The following RBM6 variants were observed in gnomAD, a reference collection of about 807,000 sequenced individuals.
RBM6 encodes the protein RNA binding motif protein 6.
In RBM6, 23 loss-of-function variants were observed where a neutral mutation model predicts 140.4. The ratio of observed to expected loss-of-function variants is 0.16; its 90% CI spans 0.12 to 0.23. RBM6 has a LOEUF of 0.23. Among genes scored for constraint, RBM6 ranks in the 10% least tolerant of loss-of-function variants. RBM6 has a pLI of 1.00. For missense variants in RBM6, 1,139 were observed against 1,386.7 expected (o/e 0.82, Z 2.84); for synonymous variants, 439 against 475.6 (o/e 0.92, Z 1.00).
At chr3:50,068,518 C>G (rs566722851) in intron 17 of RBM6, among the ~76,000 whole-genome samples, 172 bp from the exon 18 acceptor site, 1 of 152,334 alleles carries the variant, frequency 6.6e-6, no homozygotes, top group South Asian at 2.1e-4. Flanking sequence ...CATAACTAAT[C>G]TGCATGACAA....
At position 50,018,501 on chromosome 3, in the gene RBM6, T is replaced by C. The variant is rs544421719; in HGVS notation, c.1557+18988T>C. Among the ~76,000 whole-genome samples, 14 of 152,076 alleles carry C rather than the reference T, an allele frequency of 9.2e-5. No individual in the cohort carries two copies. In the East Asian group the frequency reaches 2.5e-3, roughly 27 times the overall value. On this transcript the variant is annotated intron_variant, in intron 6 of 20. Transcript: ENST00000266022. ...AAGCTGCAATAAATATCCATATGCA[T>C]GTTTTTGTACGGACATACGTTTTCA... is the stretch of plus-strand genomic sequence containing the variant.
chr3:50,008,199 G>C (rs780571421), intron 6 of RBM6, among the ~76,000 whole-genome samples: 1 of 152,050 alleles, frequency 6.6e-6, no homozygotes, highest in Non-Finnish European at 1.5e-5. Context: ...TAATTCTCTC[G>C]AATTTGAAAA....
At chr3:49,986,620 A>C (rs555731069) in intron 5 of RBM6, among the ~76,000 whole-genome samples, 13 of 151,808 alleles carry the variant, frequency 8.6e-5, no homozygotes, top group South Asian at 2.1e-4. Flanking sequence ...CAAAACAAAA[A>C]AAAACCAAAA....
At chr3:49,987,398 C>T (rs990946774) in intron 5 of RBM6, among the ~76,000 whole-genome samples, 3 of 151,918 alleles carry the variant, frequency 2.0e-5, no homozygotes, top group African/African-American at 4.8e-5. Context: ...TCATTGCAAC[C>T]TCCACCTCCC....
At chr3:50,054,483 C>A in intron 8 of RBM6, 88 bp downstream of exon 8, 1 of 1,208,864 alleles carries the variant, frequency 8.3e-7, no homozygotes, top group Non-Finnish European at 1.2e-6. Context: ...AATTATCATC[C>A]CTAAATCCAA....
rs115774039 is a variant in RBM6, at chr3:49,960,230, C to T, written c.-66-2346C>T. 1.2e-3 allele frequency among the ~76,000 whole-genome samples: 187 copies of T among 152,286 alleles called. 1 individual carries two copies. The highest frequency in any genetic ancestry group is 4.4e-3 in the African/African-American group (181 of 41,558). ...GAGGGAGCTGGGAATTGGGCTTCTA[C>T]TGCTTTAAGACAAAAAACACTGCCA... is the stretch of plus-strand genomic sequence containing the variant. On this transcript the variant is annotated intron_variant, in intron 1 of 20. Transcript: ENST00000266022.
chr3:49,952,218 A>G lies in RBM6; in HGVS notation c.-66-10358A>G, dbSNP rs868588761. On this transcript the variant is annotated intron_variant, in intron 1 of 20. Coordinates refer to ENST00000266022, the MANE Select transcript of RBM6 (RefSeq NM_005777.3). ...GCTAATTTTTGTATTTTTAGTAGAG[A>G]TGGGGTTTCACCATGTTGGTCAGGA... Among the ~76,000 whole-genome samples the G allele has an allele frequency of 5.3e-5, 8 of 151,468 alleles. No individual in the cohort carries two copies. The South Asian group carries it at 1.5e-3, about 28-fold the overall frequency.
In RBM6 at chr3:49,968,596, C is replaced by T. The variant is rs367745768; in HGVS notation, c.1171C>T (p.Leu391=). 11 of 1,613,962 alleles carry T rather than the reference C, an allele frequency of 6.8e-6. No individual in the cohort carries two copies. The highest frequency in any genetic ancestry group is 9.3e-6 in the Non-Finnish European group (11 of 1,180,034). Residue 391 remains leucine, a synonymous_variant, in exon 3 of 21, where the codon CTG becomes TTG. Transcript: ENST00000266022. ...DAGLFKEEGG[L]DFLGRQDTDY... is the part of the protein sequence containing the mutation. ...TGGTCTGTTTAAAGAAGAAGGCGGT[C>T]TGGACTTTCTTGGGCGGCAAGACAC...
At chr3:49,945,881 CAAAAAAAAAA>C (rs67271820) in intron 1 of RBM6, among the ~76,000 whole-genome samples, 1 of 61,924 alleles carries the variant, frequency 1.6e-5, no homozygotes, top group South Asian at 9.5e-4. Context: ...GACTCCATCT[CAAAAAAAAAA>C]AAAAAAAAAA....
At chr3:49,973,607 A>G (rs1469484076) in intron 4 of RBM6, among the ~76,000 whole-genome samples, 1 of 129,348 alleles carries the variant, frequency 7.7e-6, no homozygotes, top group African/African-American at 3.0e-5. Context: ...TTTTTTTGAG[A>G]CAGAGTCTCA....
Position 50,065,559 on chromosome 3 carries a change from T to C in RBM6, c.2682+433T>C, listed in dbSNP as rs1453948348. ...GCCTGTTCAGAGTGAATGATGCTAA[T>C]ATTGGTGCCCATTTTTTAGATGCCT... is the stretch of plus-strand genomic sequence containing the variant. On this transcript the variant is annotated intron_variant, in intron 16 of 20. Coordinates refer to ENST00000266022, the MANE Select transcript of RBM6 (RefSeq NM_005777.3). The C allele has an allele frequency of 6.6e-6, 3 of 457,732 alleles. No homozygotes were observed. In the East Asian group the frequency reaches 2.1e-4, roughly 32 times the overall value. 28.4% of individuals were successfully genotyped at this position (457,732 alleles called of 1,614,324 possible).
intron 8 of RBM6, 46 bp from the exon 9 acceptor site, chr3:50,057,682 T>G (rs2089765895): frequency 6.6e-7 from 1 of 1,512,092 alleles, no homozygotes; most frequent in African/African-American, 1.4e-5. Context: ...TTTTTTTTTT[T>G]TTTGATAAAG....
intron 1 of RBM6, among the ~76,000 whole-genome samples, chr3:49,946,583 C>T (rs539940584): frequency 5.4e-5 from 8 of 149,308 alleles, no homozygotes; most frequent in South Asian, 2.1e-4. Flanking sequence ...TTGCCCAGGC[C>T]GGAGTGAAGT....
intron 6 of RBM6, among the ~76,000 whole-genome samples, chr3:50,039,291 G>A (rs1321625311): frequency 6.6e-6 from 1 of 152,074 alleles, no homozygotes; most frequent in South Asian, 2.1e-4. Flanking sequence ...CCAGGCTGGA[G>A]TGCAATCACA....
At chr3:49,978,335 A>G (rs1333707979) in intron 5 of RBM6, among the ~76,000 whole-genome samples, 1 of 152,186 alleles carries the variant, frequency 6.6e-6, no homozygotes. Flanking sequence ...AACTGGTAAT[A>G]AATATTTTAG....
At chr3:50,069,523 A>AT (rs1176329270) in intron 18 of RBM6, among the ~76,000 whole-genome samples, 1 of 151,128 alleles carries the variant, frequency 6.6e-6, no homozygotes. Context: ...AAAAAAAAAA[A>AT]AAGGAAGCCA....
intron 1 of RBM6, among the ~76,000 whole-genome samples, chr3:49,955,711 C>T (rs1393241234): frequency 7.2e-5 from 11 of 151,822 alleles, no homozygotes; most frequent in African/African-American, 1.7e-4. Flanking sequence ...GGTGTACTGG[C>T]GGGCACCTGT....
chr3:50,038,032 G>C (rs1305076082), intron 6 of RBM6, among the ~76,000 whole-genome samples: 1 of 151,972 alleles, frequency 6.6e-6, no homozygotes, highest in African/African-American at 2.4e-5. Context: ...ATGTTGGCCA[G>C]GCTGGTCTTG....
intron 6 of RBM6, among the ~76,000 whole-genome samples, chr3:50,021,598 G>A (rs1488473431): frequency 2.0e-5 from 3 of 152,004 alleles, no homozygotes; most frequent in Admixed American, 6.6e-5. Flanking sequence ...CCAAGATTGC[G>A]CCAGTGCACT....
Sources: gnomAD v4.1 joint callset for allele counts (sites outside exome capture counted in the v4.1 genomes callset) on GRCh38, gnomAD v4.1.1 for gene constraint, MANE v1.5 for transcripts, NCBI Gene and HGNC (gene_info 2026-07-23, HGNC 2026-07-21) for gene names.